RFX3: variants seen among roughly 807,000 people sequenced by gnomAD.
The protein encoded by RFX3 is regulatory factor X3.
Under a neutral mutation model 98.6 loss-of-function variants are expected in RFX3, and 14 were observed. That is an observed-to-expected ratio of 0.14 (90% CI 0.09 to 0.22). The LOEUF is 0.22. Ranked by LOEUF, RFX3 falls within the 10% of genes least tolerant of loss-of-function variation. The pLI is 1.00. For synonymous variants in RFX3, 383 were observed against 328.4 expected (o/e 1.17, Z -1.80); for missense variants, 639 against 926.9 (o/e 0.69, Z 4.03).
chr9:3,463,921 T>C (rs572637567), intron 1 of RFX3, among the ~76,000 whole-genome samples: 1 of 152,240 alleles, frequency 6.6e-6, no homozygotes, highest in South Asian at 2.1e-4. Context: ...TGCAGGGAGC[T>C]GTGATCATGC....
chr9:3,236,153 T>C (rs1586679297), intron 15 of RFX3, among the ~76,000 whole-genome samples: 2 of 152,216 alleles, frequency 1.3e-5, no homozygotes, highest in Admixed American at 6.5e-5. Context: ...TTATGATATA[T>C]TTGCCACTAG....
rs367660343 is a variant in RFX3, at chr9:3,356,496, G to A, written c.118-9732C>T. ...TATATGTAAACTTGAATTTATTCCC[G>A]CAGAGGAAACTCCAGGCCCTGATGG... On this transcript the variant is annotated intron_variant, in intron 2 of 16. Coordinates refer to ENST00000617270, the MANE Select transcript of RFX3 (RefSeq NM_001282116.2). 3.8e-4 allele frequency among the ~76,000 whole-genome samples: 57 copies of A among 151,900 alleles called. No individual in the cohort carries two copies. The East Asian group carries it at 8.7e-3, about 23-fold the overall frequency.
intron 2 of RFX3, among the ~76,000 whole-genome samples, chr9:3,352,336 A>C (rs997978513): frequency 2.6e-5 from 4 of 152,032 alleles, no homozygotes; most frequent in African/African-American, 7.2e-5. Flanking sequence ...ATATACACCA[A>C]ACTTCTAAAA....
intron 7 of RFX3, among the ~76,000 whole-genome samples, chr9:3,281,591 G>A (rs991783627): frequency 2.0e-5 from 3 of 151,674 alleles, no homozygotes; most frequent in African/African-American, 4.8e-5. Flanking sequence ...TTAGTAAGAG[G>A]CAAATGATAA....
chr9:3,445,430 A>G (rs1366114376), intron 1 of RFX3, among the ~76,000 whole-genome samples: 1 of 152,134 alleles, frequency 6.6e-6, no homozygotes, highest in East Asian at 1.9e-4. Flanking sequence ...TTCCCATTTT[A>G]CAGATGAAAT....
intron 1 of RFX3, among the ~76,000 whole-genome samples, chr9:3,495,763 T>C (rs1851069773): frequency 6.6e-6 from 1 of 152,072 alleles, no homozygotes; most frequent in African/African-American, 2.4e-5. Flanking sequence ...CTGGATTTAC[T>C]CTCCTCAAAG....
chr9:3,390,411 C>A (rs1173985541), intron 2 of RFX3, among the ~76,000 whole-genome samples: 1 of 152,140 alleles, frequency 6.6e-6, no homozygotes, highest in Non-Finnish European at 1.5e-5. Context: ...TCCCTAGAGA[C>A]TTGTTGAATG....
chr9:3,321,360 T>C (rs552641152), intron 4 of RFX3, among the ~76,000 whole-genome samples: 20 of 152,338 alleles, frequency 1.3e-4, no homozygotes, highest in African/African-American at 4.3e-4. Flanking sequence ...AATTTCCACA[T>C]TGCTCTCCAA....
chr9:3,426,889 T>A (rs1419251425), intron 1 of RFX3, among the ~76,000 whole-genome samples: 1 of 152,120 alleles, frequency 6.6e-6, no homozygotes, highest in African/African-American at 2.4e-5. Context: ...TGTAATGTAT[T>A]TGAATCATTC....
At chr9:3,464,334 C>A (rs988700223) in intron 1 of RFX3, among the ~76,000 whole-genome samples, 1 of 152,176 alleles carries the variant, frequency 6.6e-6, no homozygotes, top group Admixed American at 6.5e-5. Flanking sequence ...TATTGCATAA[C>A]ACTGTGTTTG....
chr9:3,497,118 T>G (rs936949032), intron 1 of RFX3, among the ~76,000 whole-genome samples: 1 of 152,040 alleles, frequency 6.6e-6, no homozygotes, highest in Non-Finnish European at 1.5e-5. Context: ...ACAGTGTTTA[T>G]GCCATACCTC....
At chr9:3,308,960 G>C (rs549138442) in intron 4 of RFX3, among the ~76,000 whole-genome samples, 1 of 152,076 alleles carries the variant, frequency 6.6e-6, no homozygotes, top group Non-Finnish European at 1.5e-5. Context: ...TGGGCAAGAC[G>C]ATCTCCACAC....
intron 1 of RFX3, among the ~76,000 whole-genome samples, chr9:3,428,385 T>G (rs1316561927): frequency 6.6e-6 from 1 of 152,224 alleles, no homozygotes; most frequent in Non-Finnish European, 1.5e-5. Context: ...CTTATAATGA[T>G]GATGGAACAC....
At chr9:3,446,408 GA>G (rs996134352) in intron 1 of RFX3, among the ~76,000 whole-genome samples, 47 of 152,086 alleles carry the variant, frequency 3.1e-4, no homozygotes, top group African/African-American at 1.1e-3. Flanking sequence ...TTTGATGCAA[GA>G]ATTAATTCTC....
At chr9:3,401,352 G>GATC (rs1472115751) in intron 1 of RFX3, among the ~76,000 whole-genome samples, 1 of 152,120 alleles carries the variant, frequency 6.6e-6, no homozygotes, top group Non-Finnish European at 1.5e-5. Flanking sequence ...GCAAAGTAAG[G>GATC]ATCATCACAT....
chr9:3,411,628 A>C (rs1239552698), intron 1 of RFX3, among the ~76,000 whole-genome samples: 1 of 149,144 alleles, frequency 6.7e-6, no homozygotes, highest in Admixed American at 6.7e-5. Context: ...GGTGTGTGAC[A>C]CCACATCCAG....
At chr9:3,269,247 C>T (rs625941) in intron 11 of RFX3, among the ~76,000 whole-genome samples, 116,759 of 151,844 alleles carry the variant, frequency 0.77, 47,005 homozygotes, top group East Asian at 0.9. Flanking sequence ...GCATACATTT[C>T]AAGGTGGCCG....
chr9:3,346,389 G>T (rs1834443316), intron 3 of RFX3, among the ~76,000 whole-genome samples: 1 of 151,896 alleles, frequency 6.6e-6, no homozygotes, highest in South Asian at 2.1e-4. Flanking sequence ...CACTAACAAG[G>T]GGTATATACA....
At chr9:3,466,851 C>T (rs1256591093) in intron 1 of RFX3, among the ~76,000 whole-genome samples, 1 of 151,660 alleles carries the variant, frequency 6.6e-6, no homozygotes, top group Non-Finnish European at 1.5e-5. Context: ...ATCCAGTTTA[C>T]TACCATCCTT....
Sources: allele counts gnomAD v4.1 joint callset (sites outside exome capture counted in the v4.1 genomes callset), GRCh38; gene constraint gnomAD v4.1.1; transcripts MANE v1.5; gene names NCBI Gene and HGNC (gene_info 2026-07-23, HGNC 2026-07-21).